NCKAP1: variants seen among roughly 807,000 people sequenced by gnomAD.
NCKAP1 encodes the protein NCK associated protein 1, also known as nck-associated protein 1.
NCKAP1 carries 21 observed loss-of-function variants against 151.2 expected under a neutral mutation model. The ratio of observed to expected loss-of-function variants is 0.14; its 90% confidence interval spans 0.10 to 0.20. The LOEUF is 0.20. Among genes scored for constraint, NCKAP1 ranks in the 10% least tolerant of loss-of-function variants. The pLI, the probability that NCKAP1 is intolerant of heterozygous loss-of-function variation, is 1.00. For synonymous variants in NCKAP1, 484 were observed against 451.8 expected (o/e 1.07, Z -0.90); for missense variants, 933 against 1,352.1 (o/e 0.69, Z 4.86).
At chr2:182,965,781 T>G (rs1164202352) in intron 16 of NCKAP1, among the ~76,000 whole-genome samples, 1 of 152,182 alleles carries the variant, frequency 6.6e-6, no homozygotes. Context: ...TAGGATCCTT[T>G]GCATAGCTGA....
chr2:182,917,454 G>A lies in NCKAP1; in HGVS notation c.*8248C>T, dbSNP rs1321727721. On this transcript the variant is annotated 3_prime_UTR_variant, in exon 31 of 31. Coordinates refer to ENST00000361354, the MANE Select transcript of NCKAP1 (RefSeq NM_013436.5). ...GGTTAAATTACCTAACTCTTGAATA[G>A]GTTGAACCAGATAATCTCTAAGGCT... 1 of 152,164 alleles carries A rather than the reference G, an allele frequency of 6.6e-6. No individual in the cohort carries two copies. Among genetic ancestry groups the A allele is most frequent in the African/African-American group, 2.4e-5 (1 of 41,430 alleles). 9.4% of individuals were successfully genotyped at this position (152,164 alleles called of 1,614,324 possible). A position where few individuals can be genotyped will look rare whatever the true frequency, so the allele number is the denominator to read the frequency against.
rs532932738 is a variant in NCKAP1, at chr2:182,911,075, A to C, written c.*14627T>G. Reference sequence around the variant, plus strand: ...GCACATCTCATTATACCCCCTCCTCACTAACTACCATTAGGTGTTCTTTCC... The same window carrying C: ...GCACATCTCATTATACCCCCTCCTCCCTAACTACCATTAGGTGTTCTTTCC... On this transcript the variant is annotated 3_prime_UTR_variant, in exon 31 of 31. Transcript: ENST00000361354. 1 of 151,028 alleles carries C rather than the reference A, an allele frequency of 6.6e-6. No homozygotes were observed. The highest frequency in any genetic ancestry group is 2.1e-4 in the South Asian group (1 of 4,742). 9.4% of individuals were successfully genotyped at this position (151,028 alleles called of 1,614,324 possible).
At chr2:182,981,908 CAAA>C (rs77694869) in intron 12 of NCKAP1, among the ~76,000 whole-genome samples, 1 of 51,886 alleles carries the variant, frequency 1.9e-5, no homozygotes. Flanking sequence ...AACTCCGTCT[CAAA>C]AAAAAAAAAA....
At position 182,909,679 on chromosome 2, in the gene NCKAP1, C is replaced by T. The variant is rs559866005; in HGVS notation, c.*16023G>A. ...TTAAGTAAACAATCACTTTTAAAGC[C>T]AAGGTTTCCTTGAGAAGATATTTAG... On this transcript the variant is annotated 3_prime_UTR_variant, in exon 31 of 31. Transcript: ENST00000361354. 3.9e-5 allele frequency: 6 copies of T among 152,208 alleles called. No homozygotes were observed. Among genetic ancestry groups the T allele is most frequent in the Admixed American group, 2.0e-4 (3 of 15,302 alleles). 9.4% of individuals were successfully genotyped at this position (152,208 alleles called of 1,614,324 possible).
At chr2:183,019,001 G>A (rs1698746499) in intron 2 of NCKAP1, among the ~76,000 whole-genome samples, 1 of 152,132 alleles carries the variant, frequency 6.6e-6, no homozygotes, top group Non-Finnish European at 1.5e-5. Flanking sequence ...TTCCTTGGGA[G>A]AGGGGATAAA....
chr2:182,931,717 GA>G (rs1696768667), intron 26 of NCKAP1, among the ~76,000 whole-genome samples: 2 of 152,042 alleles, frequency 1.3e-5, no homozygotes, highest in Non-Finnish European at 2.9e-5. Flanking sequence ...TAGAATTAGA[GA>G]AAAGATTTGC....
Position 182,910,869 on chromosome 2 carries a change from T to C in NCKAP1, c.*14833A>G, listed in dbSNP as rs867700944. On this transcript the variant is annotated 3_prime_UTR_variant, in exon 31 of 31. Coordinates refer to ENST00000361354, the MANE Select transcript of NCKAP1 (RefSeq NM_013436.5). ...CTGAGAAGAAGGTGATTGCTAAGTA[T>C]TTACAGATTAAAGACTCAACCTGTA... The C allele has an allele frequency of 2.6e-5, 4 of 151,848 alleles. No homozygotes were observed. Among genetic ancestry groups the C allele is most frequent in the Non-Finnish European group, 4.4e-5 (3 of 67,998 alleles). 9.4% of individuals were successfully genotyped at this position (151,848 alleles called of 1,614,324 possible). A position where few individuals can be genotyped will look rare whatever the true frequency, so the allele number is the denominator to read the frequency against.
intron 4 of NCKAP1, among the ~76,000 whole-genome samples, chr2:183,002,575 A>G (rs1030543399): frequency 6.6e-6 from 1 of 152,098 alleles, no homozygotes; most frequent in African/African-American, 2.4e-5. Flanking sequence ...CTCACGAAAG[A>G]GGAAAAAAAT....
Position 182,953,232 on chromosome 2 carries a change from C to A in NCKAP1, c.2253G>T (p.Gln751His), listed in dbSNP as rs1481393322. 1 of 1,613,108 alleles carries A rather than the reference C, an allele frequency of 6.2e-7. No individual in the cohort carries two copies. Among genetic ancestry groups the A allele is most frequent in the Non-Finnish European group, 8.5e-7 (1 of 1,179,290 alleles). The change falls in exon 21 of 31, where the codon CAG becomes CAT. Residue 751 changes from glutamine to histidine, a missense_variant. By Grantham distance (24) the Gln-to-His change is conservative. Transcript: ENST00000361354. Reference protein sequence around the residue: ...TSVRAYMTVLQSIENYVQIDI... With the variant: ...TSVRAYMTVLHSIENYVQIDI... The stretch of plus-strand genomic sequence containing the variant: ...CAATCTGCACATAGTTTTCTATTGA[C>A]TGGAGTACGGTCATGTATGCTCTTA...
At chr2:183,028,202 T>G (rs577964837) in intron 1 of NCKAP1, among the ~76,000 whole-genome samples, 46 of 152,032 alleles carry the variant, frequency 3.0e-4, no homozygotes, top group African/African-American at 1.1e-3. Context: ...AAAAACTTTT[T>G]CAGAGAATTG....
chr2:182,972,606 TG>T (rs1697723528), intron 15 of NCKAP1, among the ~76,000 whole-genome samples: 1 of 152,160 alleles, frequency 6.6e-6, no homozygotes, highest in Non-Finnish European at 1.5e-5. Context: ...AAGAAGTATT[TG>T]CACTCCCATG....
chr2:182,974,213 T>G (rs180821881), intron 15 of NCKAP1, among the ~76,000 whole-genome samples: 4 of 150,742 alleles, frequency 2.7e-5, no homozygotes, highest in African/African-American at 9.8e-5. Context: ...GGCTTAGTGT[T>G]ATGTCCCATT....
rs777022368 is a variant in NCKAP1, at chr2:182,972,649, T to C, written c.1482+4244A>G. Among the ~76,000 whole-genome samples the C allele has an allele frequency of 1.9e-4, 29 of 152,278 alleles. 1 individual carries two copies. The highest frequency in any genetic ancestry group is 6.2e-4 in the South Asian group (3 of 4,820). On this transcript the variant is annotated intron_variant, in intron 15 of 30. Coordinates refer to ENST00000361354, the MANE Select transcript of NCKAP1 (RefSeq NM_013436.5). ...GCAGCAATATTCACAATCGTCAAGA[T>C]ATGGAACCCAACCCAAGTGTCTATC...
Position 182,925,635 on chromosome 2 carries a change from G to C in NCKAP1, c.*67C>G. 1.2e-6 allele frequency: 1 copy of C among 803,716 alleles called. No homozygotes were observed. Among genetic ancestry groups the C allele is most frequent in the South Asian group, 2.6e-5 (1 of 38,262 alleles). The allele number at this position is 803,716 out of a possible 1,614,324, so 49.8% of individuals were successfully genotyped here. A position where few individuals can be genotyped will look rare whatever the true frequency, so the allele number is the denominator to read the frequency against. On this transcript the variant is annotated 3_prime_UTR_variant, in exon 31 of 31. Coordinates refer to ENST00000361354, the MANE Select transcript of NCKAP1 (RefSeq NM_013436.5). ...CTTTTTCAGGTCTTAAGGTAAAATA[G>C]TTCCACAGTCTACAGGTAAAACCAA...
In NCKAP1 at chr2:182,959,396, G is replaced by A. The variant is rs150327977; in HGVS notation, c.1882-1800C>T. ...CAAATGACTATAAGGACTCCCACAA[G>A]CCGGGCTTCATCCCTGGGATGCAAG... On this transcript the variant is annotated intron_variant, in intron 18 of 30. Transcript: ENST00000361354. Among the ~76,000 whole-genome samples, 188 of 152,176 alleles carry A rather than the reference G, an allele frequency of 1.2e-3. 2 individuals carry two copies. The highest frequency in any genetic ancestry group is 4.4e-3 in the African/African-American group (182 of 41,542).
At position 182,952,535 on chromosome 2, in the gene NCKAP1, G is replaced by T. The variant is rs370082631; in HGVS notation, c.2504-33C>A. The T allele has an allele frequency of 3.5e-6, 5 of 1,441,484 alleles. No homozygotes were observed. The East Asian group carries it at 6.9e-5, about 20-fold the overall frequency. 89.3% of individuals were successfully genotyped at this position (1,441,484 alleles called of 1,614,324 possible). ...AAAACATACTTAATTTTATACTTCC[G>T]ACAGAGCAAATACTTTAAGAAAATG... is the stretch of plus-strand genomic sequence containing the variant. On this transcript the variant is annotated intron_variant, in intron 22 of 30. Coordinates refer to ENST00000361354, the MANE Select transcript of NCKAP1 (RefSeq NM_013436.5).
chr2:183,025,387 T>C (rs990536356), intron 1 of NCKAP1, among the ~76,000 whole-genome samples: 1 of 152,186 alleles, frequency 6.6e-6, no homozygotes, highest in African/African-American at 2.4e-5. Flanking sequence ...TAAATTGTTA[T>C]TGGATGACTT....
intron 1 of NCKAP1, 22 bp from the exon 2 acceptor site, chr2:183,023,938 A>G (rs775874501): frequency 2.7e-5 from 40 of 1,495,906 alleles, no homozygotes; most frequent in Non-Finnish European, 3.6e-5. Context: ...CAGTAATAAA[A>G]AAAAGTGAAA....
rs1696613108 is a variant in NCKAP1 at position 182,925,032 on chromosome 2, C to T, written c.*670G>A. On this transcript the variant is annotated 3_prime_UTR_variant, in exon 31 of 31. Transcript: ENST00000361354. ...AGATTGTTTATTATACAGCAGGGTA[C>T]AATGGTAGTGCTAATGCCAACAGGG... 6.6e-6 allele frequency: 1 copy of T among 152,030 alleles called. No individual in the cohort carries two copies. Among genetic ancestry groups the T allele is most frequent in the Non-Finnish European group, 1.5e-5 (1 of 67,960 alleles). 9.4% of individuals were successfully genotyped at this position (152,030 alleles called of 1,614,324 possible). A position where few individuals can be genotyped will look rare whatever the true frequency, so the allele number is the denominator to read the frequency against.
Sources: allele counts gnomAD v4.1 joint callset (sites outside exome capture counted in the v4.1 genomes callset), GRCh38; gene constraint gnomAD v4.1.1; transcripts MANE v1.5; gene names NCBI Gene and HGNC (gene_info 2026-07-23, HGNC 2026-07-21).